DAPK2: variants seen among roughly 807,000 people sequenced by gnomAD.
DAPK2 encodes the protein death-associated protein kinase 2.
In DAPK2, 35 loss-of-function variants were observed where a neutral mutation model predicts 44.1. The ratio of observed to expected loss-of-function variants is 0.79; its 90% CI spans 0.61 to 1.05. DAPK2 has a LOEUF of 1.05. Ranked by LOEUF, DAPK2 falls within the 50% of genes least tolerant of loss-of-function variation. The probability of loss-of-function intolerance (pLI) is 0.00; values close to 1 mark genes in which losing one functional copy is unlikely to be tolerated. For missense variants in DAPK2, 453 were observed against 483.2 expected (o/e 0.94, Z 0.59); for synonymous variants, 174 against 182.6 (o/e 0.95, Z 0.38).
At chr15:64,002,811 G>T (rs1336917828) in intron 1 of DAPK2, among the ~76,000 whole-genome samples, 1 of 152,166 alleles carries the variant, frequency 6.6e-6, no homozygotes, top group African/African-American at 2.4e-5. Context: ...CATCTGTAAA[G>T]TATCATTCCT....
intron 3 of DAPK2, among the ~76,000 whole-genome samples, chr15:63,950,865 C>T (rs2077567619): frequency 6.6e-6 from 1 of 152,198 alleles, no homozygotes; most frequent in African/African-American, 2.4e-5. Flanking sequence ...CATGTAAACA[C>T]ATCATGTTCT....
chr15:63,998,668 C>A (rs541592022), intron 1 of DAPK2, among the ~76,000 whole-genome samples: 1 of 152,310 alleles, frequency 6.6e-6, no homozygotes, highest in Admixed American at 6.5e-5. Context: ...GTTGCCATGG[C>A]CGTAACAGTA....
intron 2 of DAPK2, among the ~76,000 whole-genome samples, chr15:63,973,311 G>A (rs889144616): frequency 6.6e-6 from 1 of 152,250 alleles, no homozygotes; most frequent in African/African-American, 2.4e-5. Flanking sequence ...TTTGGTGTGG[G>A]GGCCAATGTT....
intron 5 of DAPK2, among the ~76,000 whole-genome samples, 199 bp downstream of exon 6, chr15:63,930,208 C>A (rs537648262): frequency 1.4e-4 from 22 of 152,362 alleles, no homozygotes; most frequent in Non-Finnish European, 2.2e-4. Context: ...CAGGAGCTAA[C>A]TGGCCTCAGG....
At chr15:63,931,240 T>A (rs1353490206) in intron 4 of DAPK2, among the ~76,000 whole-genome samples, 6 of 152,148 alleles carry the variant, frequency 3.9e-5, no homozygotes, top group African/African-American at 1.4e-4. Flanking sequence ...AAGCAATAAA[T>A]TTCTGTTGTT....
At chr15:63,979,132 G>A (rs957119056) in intron 2 of DAPK2, among the ~76,000 whole-genome samples, 7 of 152,348 alleles carry the variant, frequency 4.6e-5, no homozygotes, top group Admixed American at 3.9e-4. Context: ...AGGGGCCTGT[G>A]ATGGGAGGCC....
chr15:64,041,947 G>A (rs1195694678), upstream of DAPK2, among the ~76,000 whole-genome samples: 1 of 152,158 alleles, frequency 6.6e-6, no homozygotes, highest in Non-Finnish European at 1.5e-5. Context: ...TGGGTGTCCA[G>A]GCTCCCTCAT....
intron 3 of DAPK2, among the ~76,000 whole-genome samples, chr15:63,942,671 AC>A (rs2077341564): frequency 1.3e-5 from 2 of 151,984 alleles, no homozygotes; most frequent in South Asian, 4.1e-4. Context: ...CAAGCACCTA[AC>A]ACACAGCAGG....
chr15:63,991,427 G>T (rs1284497766), intron 1 of DAPK2: 1 of 427,010 alleles, frequency 2.3e-6, no homozygotes. Flanking sequence ...CTCGTTTCAT[G>T]AGCCTGTTTC....
chr15:64,039,251 T>G (rs1376927481), intron 1 of DAPK2, among the ~76,000 whole-genome samples: 4 of 152,258 alleles, frequency 2.6e-5, no homozygotes, highest in Non-Finnish European at 5.9e-5. Flanking sequence ...CATGTTTTCA[T>G]GCTGCGCTGT....
chr15:63,912,067 A>ACCCCCCC lies in DAPK2; in HGVS notation c.948+40_948+41insGGGGGGG. On this transcript the variant is annotated intron_variant, in intron 9 of 10. Transcript: ENST00000261891. This position sits in a 1 kb window ranked among gnomAD's most constrained non-coding sequence, Gnocchi z 4.4. ...CCTGGAGAGCCAGAAACCCCGCCCT[A>ACCCCCCC]GCCCCCACCCTGTCCCCCGCCGCCC... 6.4e-7 allele frequency: 1 copy of ACCCCCCC among 1,573,510 alleles called. No individual in the cohort carries two copies. Among genetic ancestry groups the ACCCCCCC allele is most frequent in the Non-Finnish European group, 8.7e-7 (1 of 1,154,216 alleles).
intron 1 of DAPK2, among the ~76,000 whole-genome samples, chr15:64,004,053 CT>C (rs2079165281): frequency 6.6e-6 from 1 of 152,164 alleles, no homozygotes; most frequent in African/African-American, 2.4e-5. Flanking sequence ...AATGATATGT[CT>C]CTTAAGCCTC....
chr15:63,953,671 ATTTT>A (rs2077648992), intron 3 of DAPK2, among the ~76,000 whole-genome samples: 1 of 152,090 alleles, frequency 6.6e-6, no homozygotes, highest in African/African-American at 2.4e-5. Flanking sequence ...TGTTAGTTCT[ATTTT>A]TAGTTTTTTG....
At chr15:63,913,038 C>T (rs981900906) in intron 8 of DAPK2, among the ~76,000 whole-genome samples, 1 of 151,938 alleles carries the variant, frequency 6.6e-6, no homozygotes, top group Non-Finnish European at 1.5e-5. Context: ...AAAATTGAGT[C>T]CAATACATTT....
chr15:63,914,748 C>T (rs890991457), intron 8 of DAPK2, among the ~76,000 whole-genome samples: 4 of 152,150 alleles, frequency 2.6e-5, no homozygotes, highest in African/African-American at 7.2e-5. Flanking sequence ...CCAAAGTCTC[C>T]GGGTCTTTGC....
chr15:63,945,894 A>G (rs147390579), intron 3 of DAPK2, among the ~76,000 whole-genome samples: 19 of 152,362 alleles, frequency 1.2e-4, no homozygotes, highest in Admixed American at 2.6e-4. Flanking sequence ...GGTCAGGAAG[A>G]ACAGGCTGCT....
chr15:63,995,132 G>C (rs2078918564), intron 1 of DAPK2, among the ~76,000 whole-genome samples: 1 of 151,954 alleles, frequency 6.6e-6, no homozygotes, highest in Non-Finnish European at 1.5e-5. Context: ...TTATGATACT[G>C]TTATAAATAC....
chr15:63,912,275 C>G lies in DAPK2; in HGVS notation c.859-78G>C, dbSNP rs2146482940. The G allele has an allele frequency of 7.0e-7, 1 of 1,429,588 alleles. No homozygotes were observed. Among genetic ancestry groups the G allele is most frequent in the East Asian group, 2.3e-5 (1 of 43,036 alleles). The allele number at this position is 1,429,588 out of a possible 1,614,324, so 88.6% of individuals were successfully genotyped here. A position where few individuals can be genotyped will look rare whatever the true frequency, so the allele number is the denominator to read the frequency against. On this transcript the variant is annotated intron_variant, in intron 8 of 10. Transcript: ENST00000261891. The surrounding 1 kb of genome is among the most constrained non-coding windows in gnomAD (Gnocchi z 4.4). The stretch of plus-strand genomic sequence containing the variant: ...ACCCTCCTCGCCGCAGAACTCCCCA[C>G]CCACCGCATGCCCACCGCCCTTGGC...
chr15:64,016,343 G>C (rs2079525535), intron 1 of DAPK2, among the ~76,000 whole-genome samples: 1 of 152,256 alleles, frequency 6.6e-6, no homozygotes, highest in Admixed American at 6.5e-5. Context: ...AGGCAGTGTA[G>C]TTCAGTGGAA....
Sources: allele counts gnomAD v4.1 joint callset (sites outside exome capture counted in the v4.1 genomes callset), GRCh38; gene constraint gnomAD v4.1.1; non-coding constraint Gnocchi (gnomAD v3.1); transcripts MANE v1.5; gene names NCBI Gene and HGNC (gene_info 2026-07-23, HGNC 2026-07-21).